Variants in RXFP2 observed in about 807,000 individuals in gnomAD.
The protein encoded by RXFP2 is relaxin receptor 2.
A neutral mutation model predicts 88.6 loss-of-function variants in RXFP2; 68 were observed. That is an observed-to-expected ratio of 0.77 (90% CI 0.63 to 0.94). The LOEUF is 0.94. RXFP2 is among the 40% of genes least tolerant of loss of function. The probability of loss-of-function intolerance (pLI) is 0.00; values close to 1 mark genes in which losing one functional copy is unlikely to be tolerated. For missense variants in RXFP2, 791 were observed against 893.9 expected (o/e 0.88, Z 1.47); for synonymous variants, 329 against 306.8 (o/e 1.07, Z -0.76).
rs112121434 is a variant in RXFP2 at position 31,771,791 on chromosome 13, T to TA, written c.498-2817dup. Among the ~76,000 whole-genome samples, 731 of 144,314 alleles carry TA rather than the reference T, an allele frequency of 5.1e-3. 2 individuals are homozygous for TA. The highest frequency in any genetic ancestry group is 0.011 in the Middle Eastern group (3 of 280). 94.7% of individuals were successfully genotyped at this position (144,314 alleles called of 152,430 possible). A position where few individuals can be genotyped will look rare whatever the true frequency, so the allele number is the denominator to read the frequency against. On this transcript the variant is annotated intron_variant, in intron 5 of 17. Coordinates refer to ENST00000298386, the MANE Select transcript of RXFP2 (RefSeq NM_130806.5). ...TGGGCAATGGAGCGTAACTCTGTCT[T>TA]AAAAAAAAAAAAGAAAGAAAGAAAG...
At chr13:31,766,692 C>G (rs184087299) in intron 5 of RXFP2, among the ~76,000 whole-genome samples, 2 of 152,290 alleles carry the variant, frequency 1.3e-5, no homozygotes, top group Admixed American at 6.5e-5. Flanking sequence ...TGCTTTGATT[C>G]TCTACTCACC....
intron 1 of RXFP2, among the ~76,000 whole-genome samples, chr13:31,755,581 C>A (rs1871908650): frequency 6.6e-6 from 1 of 152,146 alleles, no homozygotes; most frequent in Non-Finnish European, 1.5e-5. Flanking sequence ...TATTGACTCT[C>A]TCGTTCATGT....
intron 6 of RXFP2, 43 bp from the exon 7 acceptor site, chr13:31,775,275 G>T (rs768331526): frequency 2.2e-6 from 3 of 1,369,172 alleles, no homozygotes; most frequent in East Asian, 2.3e-5. Context: ...GACTAAAATA[G>T]GGTATTGAGT....
At chr13:31,745,431 A>G (rs1871369536) in intron 1 of RXFP2, among the ~76,000 whole-genome samples, 1 of 152,142 alleles carries the variant, frequency 6.6e-6, no homozygotes, top group Non-Finnish European at 1.5e-5. Context: ...GGCCATGAGC[A>G]AGCATTATTT....
At chr13:31,776,180 TTCTC>T (rs559202056) in intron 7 of RXFP2, among the ~76,000 whole-genome samples, 1 of 148,744 alleles carries the variant, frequency 6.7e-6, no homozygotes. Flanking sequence ...TCCTTTCTCT[TTCTC>T]TCTTTCTTTC....
At chr13:31,776,348 G>A (rs1872981474) in intron 7 of RXFP2, among the ~76,000 whole-genome samples, 1 of 142,020 alleles carries the variant, frequency 7.0e-6, no homozygotes, top group Admixed American at 7.4e-5. Context: ...CTCAATCTCT[G>A]GGACTCAAGC....
intron 1 of RXFP2, among the ~76,000 whole-genome samples, chr13:31,748,674 C>T (rs1233133445): frequency 6.6e-6 from 1 of 152,118 alleles, no homozygotes; most frequent in African/African-American, 2.4e-5. Flanking sequence ...TTTGCACTCT[C>T]TTAATGATGA....
chr13:31,789,764 T>C (rs1351201892), intron 14 of RXFP2, among the ~76,000 whole-genome samples: 1 of 152,208 alleles, frequency 6.6e-6, no homozygotes, highest in Non-Finnish European at 1.5e-5. Flanking sequence ...ACTTCAAAAA[T>C]TAACCATTGT....
At chr13:31,778,636 G>A in intron 9 of RXFP2, 53 bp downstream of exon 9, 1 of 1,239,580 alleles carries the variant, frequency 8.1e-7, no homozygotes, top group Non-Finnish European at 1.2e-6. Context: ...AAGGAAACTA[G>A]CCATAAAGTT....
At chr13:31,773,912 A>C (rs1350416974) in intron 5 of RXFP2, among the ~76,000 whole-genome samples, 1 of 152,206 alleles carries the variant, frequency 6.6e-6, no homozygotes, top group African/African-American at 2.4e-5. Context: ...TGCCCCTGAG[A>C]GCCTTCAGAG....
intron 1 of RXFP2, among the ~76,000 whole-genome samples, chr13:31,756,022 G>A (rs1264128494): frequency 2.6e-5 from 4 of 151,966 alleles, no homozygotes; most frequent in East Asian, 1.9e-4. Context: ...CCGTGCTTGC[G>A]GGATCTCCAG....
chr13:31,753,094 C>T (rs1400999370), intron 1 of RXFP2, among the ~76,000 whole-genome samples: 2 of 152,180 alleles, frequency 1.3e-5, no homozygotes, highest in Non-Finnish European at 2.9e-5. Flanking sequence ...CTGGAGCCAT[C>T]GCCCCTGGTG....
intron 8 of RXFP2, 90 bp downstream of exon 8, chr13:31,777,537 A>G: frequency 4.0e-6 from 4 of 994,386 alleles, no homozygotes. Context: ...AAAAAAATCA[A>G]GCCCACAAAA....
At chr13:31,763,067 A>T (rs1872372259) in intron 3 of RXFP2, among the ~76,000 whole-genome samples, 1 of 145,898 alleles carries the variant, frequency 6.9e-6, no homozygotes, top group Non-Finnish European at 1.5e-5. Context: ...AGAACGTTTG[A>T]CAGTGTCTGG....
At chr13:31,784,945 T>G (rs1162093151) in intron 11 of RXFP2, among the ~76,000 whole-genome samples, 1 of 152,196 alleles carries the variant, frequency 6.6e-6, no homozygotes, top group Non-Finnish European at 1.5e-5. Context: ...TCCCAGGCCT[T>G]GTTGCCTGTC....
intron 13 of RXFP2, 81 bp from the exon 14 acceptor site, chr13:31,789,041 T>G: frequency 1.2e-6 from 1 of 866,216 alleles, no homozygotes; most frequent in East Asian, 2.4e-5. Context: ...CTTGAAGCAT[T>G]ATATTTCGGA....
intron 1 of RXFP2, among the ~76,000 whole-genome samples, chr13:31,754,387 C>T (rs1359736288): frequency 2.0e-5 from 3 of 152,054 alleles, no homozygotes; most frequent in Non-Finnish European, 4.4e-5. Context: ...AAAAAATAGC[C>T]GGGCGTGGTG....
At chr13:31,791,414 A>G (rs1019306578) in intron 14 of RXFP2, among the ~76,000 whole-genome samples, 1 of 152,180 alleles carries the variant, frequency 6.6e-6, no homozygotes, top group Admixed American at 6.5e-5. Context: ...GTGAGCGACA[A>G]TAGGCTTTTC....
chr13:31,795,005 T>C (rs1873961082), intron 16 of RXFP2, among the ~76,000 whole-genome samples: 1 of 152,134 alleles, frequency 6.6e-6, no homozygotes, highest in Non-Finnish European at 1.5e-5. Flanking sequence ...AATATAAGAA[T>C]ACATAATTTT....
Sources: allele counts gnomAD v4.1 joint callset (sites outside exome capture counted in the v4.1 genomes callset), GRCh38; gene constraint gnomAD v4.1.1; transcripts MANE v1.5; gene names NCBI Gene and HGNC (gene_info 2026-07-23, HGNC 2026-07-21).